The following BCAS3 variants were observed in gnomAD, a reference collection of about 807,000 sequenced individuals.
BCAS3 encodes the protein BCAS3 microtubule associated cell migration factor, also known as BCAS4/BCAS3 fusion.
In BCAS3, 53 loss-of-function variants were observed where a neutral mutation model predicts 116.1. That is an observed-to-expected ratio of 0.46 (90% CI 0.37 to 0.57). BCAS3 has a LOEUF of 0.57. Ranked by LOEUF, BCAS3 falls within the 20% of genes least tolerant of loss-of-function variation. The pLI is 0.00. For synonymous variants in BCAS3, 391 were observed against 408.2 expected (o/e 0.96, Z 0.51); for missense variants, 917 against 1,165.4 (o/e 0.79, Z 3.10).
At chr17:60,968,603 G>A (rs981702136) in intron 14 of BCAS3, among the ~76,000 whole-genome samples, 1 of 152,042 alleles carries the variant, frequency 6.6e-6, no homozygotes, top group South Asian at 2.1e-4. Flanking sequence ...TAAAGCCCAG[G>A]TTCACCTTGG....
At chr17:60,999,164 C>G (rs2064047323) in intron 15 of BCAS3, among the ~76,000 whole-genome samples, 1 of 152,106 alleles carries the variant, frequency 6.6e-6, no homozygotes, top group Non-Finnish European at 1.5e-5. Context: ...GTTCTCTGTT[C>G]TTTTCCATTG....
At position 60,874,333 on chromosome 17, in the gene BCAS3, G is replaced by A. The variant is rs372148219; in HGVS notation, c.585-329G>A. Among the ~76,000 whole-genome samples, 51 of 152,264 alleles carry A rather than the reference G, an allele frequency of 3.3e-4. No individual in the cohort carries two copies. The East Asian group carries it at 9.1e-3, about 27-fold the overall frequency. On this transcript the variant is annotated intron_variant, in intron 8 of 23. Transcript: ENST00000407086. ...GTGATCCTTCTGCCTTGGCCTCCAG[G>A]AATGTTGGGATTGTAGGCATGAGCC...
At chr17:60,756,893 A>G (rs987110527) in intron 6 of BCAS3, among the ~76,000 whole-genome samples, 4 of 152,180 alleles carry the variant, frequency 2.6e-5, no homozygotes, top group African/African-American at 9.7e-5. Context: ...AGCATGTAAG[A>G]GTTCCCTTCT....
chr17:60,705,827 T>G (rs963267239), intron 4 of BCAS3, among the ~76,000 whole-genome samples: 3 of 152,150 alleles, frequency 2.0e-5, no homozygotes, highest in African/African-American at 7.2e-5. Flanking sequence ...GGCACTGAAA[T>G]GAAAGCAAAT....
At chr17:60,865,899 G>C (rs1293093671) in intron 7 of BCAS3, among the ~76,000 whole-genome samples, 1 of 152,046 alleles carries the variant, frequency 6.6e-6, no homozygotes, top group African/African-American at 2.4e-5. Flanking sequence ...CACTTTATAA[G>C]GTAGAAGAAA....
At chr17:61,150,566 A>G (rs1422203743) in intron 22 of BCAS3, among the ~76,000 whole-genome samples, 1 of 152,232 alleles carries the variant, frequency 6.6e-6, no homozygotes, top group Non-Finnish European at 1.5e-5. Context: ...AGAGTTTACA[A>G]AAGACCAGGA....
intron 7 of BCAS3, among the ~76,000 whole-genome samples, chr17:60,858,563 A>G (rs1244643219): frequency 6.6e-6 from 1 of 152,096 alleles, no homozygotes; most frequent in Admixed American, 6.5e-5. Flanking sequence ...CCATTCACCT[A>G]TTGATGGACA....
At chr17:60,935,879 T>C (rs2059893698) in intron 13 of BCAS3, among the ~76,000 whole-genome samples, 1 of 152,106 alleles carries the variant, frequency 6.6e-6, no homozygotes, top group South Asian at 2.1e-4. Flanking sequence ...TTTTATACTT[T>C]AAGTTTTAGG....
chr17:60,789,980 T>C (rs892442161), intron 6 of BCAS3, among the ~76,000 whole-genome samples: 2 of 152,182 alleles, frequency 1.3e-5, no homozygotes, highest in Non-Finnish European at 2.9e-5. Context: ...GTCTGCCTTA[T>C]ATAAAGTTGG....
chr17:60,802,020 G>A (rs1398197138), intron 6 of BCAS3, among the ~76,000 whole-genome samples: 2 of 151,876 alleles, frequency 1.3e-5, no homozygotes, highest in Non-Finnish European at 1.5e-5. Flanking sequence ...TGATTCTTGT[G>A]TTGAGTTTAA....
chr17:61,068,236 A>G lies in BCAS3; in HGVS notation c.2030-6684A>G, dbSNP rs1325082760. Among the ~76,000 whole-genome samples the G allele has an allele frequency of 1.3e-5, 2 of 152,292 alleles. No individual in the cohort carries two copies. The highest frequency in any genetic ancestry group is 2.1e-4 in the South Asian group (1 of 4,828). On this transcript the variant is annotated intron_variant, in intron 19 of 23. Transcript: ENST00000407086. The surrounding 1 kb of genome is among the most constrained non-coding windows in gnomAD (Gnocchi z 4.3). ...CTTTATTTTTCTTTAAATAAACTCT[A>G]TTAAGTTTTTTTTAGTACCTCCATT...
At chr17:60,795,211 C>T (rs1458905475) in intron 6 of BCAS3, among the ~76,000 whole-genome samples, 1 of 152,098 alleles carries the variant, frequency 6.6e-6, no homozygotes, top group African/African-American at 2.4e-5. Context: ...TGATTTCATT[C>T]TCTTCTTGGT....
chr17:61,305,270 G>A lies in BCAS3; in HGVS notation c.2426-63057G>A, dbSNP rs184059854. Among the ~76,000 whole-genome samples the A allele has an allele frequency of 2.0e-3, 310 of 152,226 alleles. 1 individual carries two copies. Among genetic ancestry groups the A allele is most frequent in the African/African-American group, 7.2e-3 (299 of 41,544 alleles). On this transcript the variant is annotated intron_variant, in intron 22 of 23. Coordinates refer to ENST00000407086, the MANE Select transcript of BCAS3 (RefSeq NM_017679.5). ...ACCTCTGATTCAGCTGCTTAGTTGG[G>A]TTAACAGTTTCCTTTCCACTAGTAT...
chr17:61,000,642 G>A (rs185685067), intron 15 of BCAS3, among the ~76,000 whole-genome samples: 28 of 152,026 alleles, frequency 1.8e-4, no homozygotes, highest in African/African-American at 3.4e-4. Context: ...TTCATTTTTC[G>A]TATTTTGGTA....
chr17:60,679,392 C>A, intron 1 of BCAS3, 61 bp from the exon 2 acceptor site: 1 of 1,303,978 alleles, frequency 7.7e-7, no homozygotes, highest in Non-Finnish European at 1.1e-6. Context: ...ATCTTCCTCC[C>A]TACCCCCAAC....
chr17:60,789,405 G>C (rs956565506), intron 6 of BCAS3, among the ~76,000 whole-genome samples: 1 of 152,100 alleles, frequency 6.6e-6, no homozygotes, highest in Non-Finnish European at 1.5e-5. Context: ...ATTTTGTTGC[G>C]TGGGAGAGGA....
intron 6 of BCAS3, among the ~76,000 whole-genome samples, chr17:60,798,405 C>T (rs911858014): frequency 6.6e-5 from 10 of 152,178 alleles, no homozygotes; most frequent in African/African-American, 2.4e-4. Context: ...TTTTTACTGT[C>T]CCCATAGTTT....
intron 4 of BCAS3, among the ~76,000 whole-genome samples, chr17:60,695,756 G>C (rs1277989948): frequency 6.6e-6 from 1 of 151,914 alleles, no homozygotes; most frequent in Non-Finnish European, 1.5e-5. Flanking sequence ...ATGCCACCAT[G>C]CCCAGCTTAT....
intron 22 of BCAS3, among the ~76,000 whole-genome samples, chr17:61,111,618 C>T (rs2075098704): frequency 6.7e-6 from 1 of 149,116 alleles, no homozygotes; most frequent in Non-Finnish European, 1.5e-5. Flanking sequence ...GATCGGTGTA[C>T]CTGAAAGTGA....
Sources: allele counts gnomAD v4.1 joint callset (sites outside exome capture counted in the v4.1 genomes callset), GRCh38; gene constraint gnomAD v4.1.1; non-coding constraint Gnocchi (gnomAD v3.1); transcripts MANE v1.5; gene names NCBI Gene and HGNC (gene_info 2026-07-23, HGNC 2026-07-21).